The following ERC1 variants were observed in gnomAD, a reference collection of about 807,000 sequenced individuals.
ERC1 encodes RAB6 interacting protein 2.
Under a neutral mutation model 132.0 loss-of-function variants are expected in ERC1, and 56 were observed. The ratio of observed to expected loss-of-function variants is 0.42; its 90% CI spans 0.34 to 0.53. ERC1 has a LOEUF of 0.53. Ranked by LOEUF, ERC1 falls within the 20% of genes least tolerant of loss-of-function variation. The pLI is 0.03. For synonymous variants in ERC1, 478 were observed against 476.1 expected (o/e 1.00, Z -0.05); for missense variants, 1,202 against 1,349.9 (o/e 0.89, Z 1.72).
At chr12:1,297,369 A>G (rs2080034871) in intron 15 of ERC1, among the ~76,000 whole-genome samples, 2 of 152,070 alleles carry the variant, frequency 1.3e-5, no homozygotes, top group Non-Finnish European at 2.9e-5. Flanking sequence ...AGGGAAATGA[A>G]TCCAGATGGG....
intron 2 of ERC1, among the ~76,000 whole-genome samples, chr12:1,072,895 G>GT (rs1940658253): frequency 6.6e-6 from 1 of 152,130 alleles, no homozygotes; most frequent in South Asian, 2.1e-4. Flanking sequence ...GTTTTACCAT[G>GT]TTGGCTATGC....
intron 17 of ERC1, among the ~76,000 whole-genome samples, chr12:1,423,345 G>A (rs1042460584): frequency 2.0e-5 from 3 of 152,166 alleles, no homozygotes; most frequent in African/African-American, 4.8e-5. Flanking sequence ...CCTGATTAAC[G>A]AATTGTTGTC....
At chr12:1,074,835 C>G (rs935282858) in intron 2 of ERC1, among the ~76,000 whole-genome samples, 10 of 152,132 alleles carry the variant, frequency 6.6e-5, no homozygotes, top group African/African-American at 2.4e-4. Flanking sequence ...TTTCTTGACT[C>G]TGACATCTTT....
chr12:1,300,464 T>A (rs2080301956), intron 15 of ERC1, among the ~76,000 whole-genome samples: 1 of 152,112 alleles, frequency 6.6e-6, no homozygotes, highest in African/African-American at 2.4e-5. Flanking sequence ...AAATGGGATC[T>A]AATTAAACTA....
intron 15 of ERC1, among the ~76,000 whole-genome samples, chr12:1,358,233 C>T (rs530885741): frequency 2.0e-5 from 3 of 147,020 alleles, no homozygotes; most frequent in Admixed American, 1.3e-4. Context: ...AAAAAAAACA[C>T]TAAACTTTTT....
At chr12:1,312,007 T>C (rs1034859357) in intron 15 of ERC1, among the ~76,000 whole-genome samples, 1 of 152,220 alleles carries the variant, frequency 6.6e-6, no homozygotes, top group African/African-American at 2.4e-5. Flanking sequence ...TCCCCATTTT[T>C]CCTCAAGAAC....
At chr12:1,376,357 T>G (rs897552880) in intron 16 of ERC1, among the ~76,000 whole-genome samples, 27 of 152,164 alleles carry the variant, frequency 1.8e-4, no homozygotes, top group Non-Finnish European at 4.4e-5. Flanking sequence ...AAATGTCAAC[T>G]CCCAAGCTAC....
chr12:1,417,734 T>C (rs952925681), intron 17 of ERC1, among the ~76,000 whole-genome samples: 4 of 150,308 alleles, frequency 2.7e-5, no homozygotes, highest in African/African-American at 9.9e-5. Flanking sequence ...TGAGCCAAGA[T>C]TGTGCCATTG....
At chr12:1,315,531 A>G (rs1455632116) in intron 15 of ERC1, among the ~76,000 whole-genome samples, 1 of 151,916 alleles carries the variant, frequency 6.6e-6, no homozygotes, top group Non-Finnish European at 1.5e-5. Flanking sequence ...TTGTATTTTT[A>G]GTAGAGACGG....
intron 15 of ERC1, among the ~76,000 whole-genome samples, chr12:1,297,324 C>G (rs1236959831): frequency 6.6e-6 from 1 of 151,834 alleles, no homozygotes; most frequent in Non-Finnish European, 1.5e-5. Context: ...AGAAAGCACT[C>G]TAGAAGAAAT....
chr12:1,362,088 G>A (rs1468742995), intron 15 of ERC1, among the ~76,000 whole-genome samples: 1 of 152,066 alleles, frequency 6.6e-6, no homozygotes, highest in African/African-American at 2.4e-5. Flanking sequence ...ACACACTATT[G>A]TGTGCATGTG....
At position 1,408,181 on chromosome 12, in the gene ERC1, C is replaced by A; in HGVS notation, c.2958C>A (p.Asn986Lys). The A allele has an allele frequency of 1.9e-6, 3 of 1,614,032 alleles. No homozygotes were observed. The highest frequency in any genetic ancestry group is 8.5e-7 in the Non-Finnish European group (1 of 1,179,960). The change falls in exon 17 of 19, where the codon AAC (asparagine) becomes AAA (lysine). Residue 986 changes from asparagine (N) to lysine (K), a missense_variant. Coordinates refer to ENST00000360905, the MANE Select transcript of ERC1 (RefSeq NM_178040.4). ...TQNRMKLMAD[N>K]YEDDHFKSSH... Reference sequence around the variant, plus strand: ...ATCGAATGAAGCTAATGGCCGACAACTACGAGGATGACCACTTCAAATCCT... The same window carrying A: ...ATCGAATGAAGCTAATGGCCGACAAATACGAGGATGACCACTTCAAATCCT...
intron 15 of ERC1, among the ~76,000 whole-genome samples, chr12:1,294,717 C>T (rs1405186587): frequency 2.6e-5 from 4 of 152,132 alleles, no homozygotes; most frequent in Admixed American, 1.3e-4. Context: ...TAACCTGATG[C>T]GTTAACCTAA....
intron 18 of ERC1, among the ~76,000 whole-genome samples, chr12:1,449,741 C>T (rs2093382505): frequency 1.3e-5 from 2 of 152,096 alleles, no homozygotes; most frequent in South Asian, 4.1e-4. Context: ...TAATTGTCTT[C>T]TGATTGAAGT....
At chr12:1,315,585 A>G (rs2081631349) in intron 15 of ERC1, among the ~76,000 whole-genome samples, 1 of 152,126 alleles carries the variant, frequency 6.6e-6, no homozygotes, top group East Asian at 1.9e-4. Context: ...TCCTGACCTC[A>G]GGGGATCCGC....
rs546790708 is a variant in ERC1, at chr12:1,364,906, T to C, written c.2781-6927T>C. Among the ~76,000 whole-genome samples, 8 of 152,340 alleles carry C rather than the reference T, an allele frequency of 5.3e-5. No individual in the cohort carries two copies. In the South Asian group the frequency reaches 8.3e-4, roughly 16 times the overall value. ...TTCCAACTCTACTTACTAACAAATA[T>C]TAATACACTAGATGTTCCTTTTATA... On this transcript the variant is annotated intron_variant, in intron 15 of 18. Coordinates refer to ENST00000360905, the MANE Select transcript of ERC1 (RefSeq NM_178040.4).
At chr12:1,483,745 A>AGTG (rs1489160697) in intron 18 of ERC1, among the ~76,000 whole-genome samples, 1 of 119,964 alleles carries the variant, frequency 8.3e-6, no homozygotes, top group Non-Finnish European at 1.6e-5. Flanking sequence ...GCTGGAGTGC[A>AGTG]GTGGCGCGAT....
At chr12:1,436,182 G>A (rs1287326255) in intron 17 of ERC1, among the ~76,000 whole-genome samples, 3 of 141,996 alleles carry the variant, frequency 2.1e-5, no homozygotes, top group Non-Finnish European at 4.7e-5. Context: ...ACACACACAC[G>A]TGCACGCACG....
intron 2 of ERC1, among the ~76,000 whole-genome samples, chr12:1,055,597 A>G (rs1972798278): frequency 6.6e-6 from 1 of 152,216 alleles, no homozygotes; most frequent in South Asian, 2.1e-4. Context: ...TGGAATAGGA[A>G]GATGCTCATA....
Sources: allele counts gnomAD v4.1 joint callset (sites outside exome capture counted in the v4.1 genomes callset), GRCh38; gene constraint gnomAD v4.1.1; transcripts MANE v1.5; gene names NCBI Gene and HGNC (gene_info 2026-07-23, HGNC 2026-07-21).